The following IL17RE variants were observed in gnomAD, a reference collection of about 807,000 sequenced individuals.
IL17RE encodes the protein interleukin 17 receptor E, also known as interleukin-17 receptor E.
IL17RE carries 47 observed loss-of-function variants against 70.7 expected under a neutral mutation model. The observed-to-expected ratio is 0.67, with a 90% CI of 0.53 to 0.85. The LOEUF is 0.85. Ranked by LOEUF, IL17RE falls within the 40% of genes least tolerant of loss-of-function variation. The pLI is 0.00. For missense variants in IL17RE, 850 were observed against 893.9 expected, an observed-to-expected ratio of 0.95 and a Z score of 0.63; for synonymous variants, 372 against 381.2, an observed-to-expected ratio of 0.98 and a Z score of 0.28.
chr3:9,902,823 T>G (rs1575473935), upstream of IL17RE: 1 of 1,590,638 alleles, frequency 6.3e-7, no homozygotes, highest in Non-Finnish European at 8.5e-7. Context: ...CAGGGCAGGC[T>G]GGGGCGAGGG....
intron 15 of IL17RE, 75 bp downstream of exon 15, chr3:9,914,852 G>C: frequency 8.1e-7 from 1 of 1,231,570 alleles, no homozygotes; most frequent in Non-Finnish European, 1.2e-6. Context: ...ACCCTCCCCT[G>C]TCTGAGCTCT....
chr3:9,903,307 T>G, intron 1 of IL17RE, 90 bp from the exon 2 acceptor site: 1 of 1,474,130 alleles, frequency 6.8e-7, no homozygotes, highest in Non-Finnish European at 9.5e-7. Context: ...TTTGCTGATT[T>G]GAAGCAAAGA....
At chr3:9,914,270 G>C in intron 13 of IL17RE, 2 of 745,762 alleles carry the variant, frequency 2.7e-6, no homozygotes, top group South Asian at 3.9e-5. Flanking sequence ...GGAGCTCAGT[G>C]CCATCTGATT....
At position 9,915,479 on chromosome 3, in the gene IL17RE, G is replaced by A; in HGVS notation, c.1676G>A (p.Trp559Ter). ...AREQGTVLLL[W>*]SGADLRPVSG... The stretch of plus-strand genomic sequence containing the variant: ...GAGCAGGGCACTGTGCTGCTGCTGT[G>A]GAGCGGCGCCGACCTTCGCCCGGTC... The change falls in exon 16 of 16, where the codon TGG (tryptophan) becomes TAG (stop). Residue 559 changes from tryptophan to a stop codon, truncating the protein, a stop_gained. Coordinates refer to ENST00000383814, the MANE Select transcript of IL17RE (RefSeq NM_153480.2). LOFTEE classifies it low-confidence loss of function (END_TRUNC). This position sits in a 1 kb window ranked among gnomAD's most constrained non-coding sequence, Gnocchi z 4.9. The A allele has an allele frequency of 7.5e-7, 1 of 1,327,590 alleles. No homozygotes were observed. 82.2% of individuals were successfully genotyped at this position (1,327,590 alleles called of 1,614,324 possible). A position where few individuals can be genotyped will look rare whatever the true frequency, so the allele number is the denominator to read the frequency against.
intron 3 of IL17RE, among the ~76,000 whole-genome samples, chr3:9,906,084 C>A (rs1048819856): frequency 6.6e-6 from 1 of 151,754 alleles, no homozygotes; most frequent in Non-Finnish European, 1.5e-5. Flanking sequence ...ACCCCGTCTC[C>A]ACTAAAGATA....
chr3:9,915,124 A>G lies in IL17RE; in HGVS notation c.1448-127A>G. On this transcript the variant is annotated intron_variant, in intron 15 of 15. Transcript: ENST00000383814. This position sits in a 1 kb window ranked among gnomAD's most constrained non-coding sequence, Gnocchi z 4.9. ...AGGGCTGTTTTCGGTACCAACCCCC[A>G]GAGCAAATAAGGGGCGGGGGCGGGG... The G allele has an allele frequency of 7.9e-7, 1 of 1,262,008 alleles. No homozygotes were observed. Among genetic ancestry groups the G allele is most frequent in the South Asian group, 2.2e-5 (1 of 44,798 alleles). 78.2% of individuals were successfully genotyped at this position (1,262,008 alleles called of 1,614,324 possible).
At position 9,915,066 on chromosome 3, in the gene IL17RE, T is replaced by G. The variant is rs2082982786; in HGVS notation, c.1448-185T>G. ...GACCCTCTCTTCAGAAGGGGTGCCT[T>G]TATCTAATTAGCCCATAAGCACCCT... On this transcript the variant is annotated intron_variant, in intron 15 of 15. Transcript: ENST00000383814. This position sits in a 1 kb window ranked among gnomAD's most constrained non-coding sequence, Gnocchi z 4.9. Among the ~76,000 whole-genome samples, 1 of 151,834 alleles carries G rather than the reference T, an allele frequency of 6.6e-6. No homozygotes were observed. Among genetic ancestry groups the G allele is most frequent in the Non-Finnish European group, 1.5e-5 (1 of 67,944 alleles).
intron 13 of IL17RE, 163 bp from the exon 14 acceptor site, chr3:9,914,385 G>A: frequency 6.7e-7 from 1 of 1,494,862 alleles, no homozygotes; most frequent in Non-Finnish European, 8.8e-7. Flanking sequence ...TGCCACCATT[G>A]ACCTGTTCTG....
Position 9,909,275 on chromosome 3 carries a change from C to T in IL17RE, c.794C>T (p.Pro265Leu), listed in dbSNP as rs458698. Reference sequence around the variant, plus strand: ...AAAAAATGTCCCTTCCAGAGCTGGCCAGAAGCCTGTGAGTGCTGTTGACAC... The same window carrying T: ...AAAAAATGTCCCTTCCAGAGCTGGCTAGAAGCCTGTGAGTGCTGTTGACAC... ...RRKKCPFQSW[P>L]EAYGSDFWKS... The change falls in exon 8 of 16, where the codon CCA becomes CTA. Residue 265 changes from proline (P) to leucine (L), a missense_variant. Transcript: ENST00000383814. 1 of 1,613,914 alleles carries T rather than the reference C, an allele frequency of 6.2e-7. No homozygotes were observed. The highest frequency in any genetic ancestry group is 8.5e-7 in the Non-Finnish European group (1 of 1,179,888).
intron 3 of IL17RE, 76 bp from the exon 4 acceptor site, chr3:9,906,286 TTA>T: frequency 1.6e-6 from 1 of 624,552 alleles, no homozygotes. Flanking sequence ...ATAAAATTAC[TTA>T]CTAACACTGG....
In IL17RE at chr3:9,915,960, C is replaced by T. The variant is rs907961001; in HGVS notation, c.*153C>T. On this transcript the variant is annotated 3_prime_UTR_variant, in exon 16 of 16. Transcript: ENST00000383814. This position sits in a 1 kb window ranked among gnomAD's most constrained non-coding sequence, Gnocchi z 4.9. ...TTCCCTGCCTCACAGGCCGGAAGTC[C>T]CAGCCCAGTCCCCGCGCGCGTCCCT... 7.1e-6 allele frequency: 9 copies of T among 1,273,334 alleles called. No individual in the cohort carries two copies. Among genetic ancestry groups the T allele is most frequent in the African/African-American group, 1.6e-5 (1 of 63,718 alleles). 78.9% of individuals were successfully genotyped at this position (1,273,334 alleles called of 1,614,324 possible).
At chr3:9,903,477 G>T in intron 2 of IL17RE, 65 bp downstream of exon 2, 2 of 1,560,988 alleles carry the variant, frequency 1.3e-6, no homozygotes, top group Middle Eastern at 1.7e-4. Context: ...TGCCTAGCAA[G>T]CCCTCCATTC....
chr3:9,915,675 G>A lies in IL17RE; in HGVS notation c.1872G>A (p.Arg624=). The A allele has an allele frequency of 7.2e-7, 1 of 1,389,572 alleles. No individual in the cohort carries two copies. Among genetic ancestry groups the A allele is most frequent in the South Asian group, 1.6e-5 (1 of 62,044 alleles). The allele number at this position is 1,389,572 out of a possible 1,614,324, so 86.1% of individuals were successfully genotyped here. ...TGCGCGACCTGCCGCGTCTGCTGCG[G>A]GCGCTGGACGCGCGGCCTTTCGCAG... ...RLLRDLPRLL[R]ALDARPFAEA... Residue 624 remains arginine (R), a synonymous_variant, in exon 16 of 16, where the codon CGG becomes CGA. Coordinates refer to ENST00000383814, the MANE Select transcript of IL17RE (RefSeq NM_153480.2). This position sits in a 1 kb window ranked among gnomAD's most constrained non-coding sequence, Gnocchi z 4.9.
chr3:9,915,145 C>T lies in IL17RE; in HGVS notation c.1448-106C>T, dbSNP rs1159523751. ...CCCCAGAGCAAATAAGGGGCGGGGG[C>T]GGGGGCGGAGAGGCGAGCACCCTAC... On this transcript the variant is annotated intron_variant, in intron 15 of 15. Transcript: ENST00000383814. This position sits in a 1 kb window ranked among gnomAD's most constrained non-coding sequence, Gnocchi z 4.9. 2.4e-6 allele frequency: 3 copies of T among 1,238,032 alleles called. No homozygotes were observed. The highest frequency in any genetic ancestry group is 6.0e-5 in the South Asian group (2 of 33,562). 76.7% of individuals were successfully genotyped at this position (1,238,032 alleles called of 1,614,324 possible).
Position 9,914,000 on chromosome 3 carries a change from C to T in IL17RE, c.1272C>T (p.Phe424=), listed in dbSNP as rs1245182216. The change falls in exon 13 of 16, where the codon TTC becomes TTT. Residue 424 remains phenylalanine (F), a synonymous_variant. Transcript: ENST00000383814. ...SPVSLDLIIP[F]LRPGCCVLVW... is the part of the protein sequence containing the mutation. ...TGTCACTAGACCTCATCATTCCCTTCCTGAGGCCAGGGTGCTGTGTCCTGG... is the reference window on the plus strand; with the variant it reads ...TGTCACTAGACCTCATCATTCCCTTTCTGAGGCCAGGGTGCTGTGTCCTGG... The T allele has an allele frequency of 3.1e-6, 5 of 1,614,078 alleles. No individual in the cohort carries two copies. The Admixed American group carries it at 6.7e-5, about 22-fold the overall frequency.
At chr3:9,903,979 T>C in intron 2 of IL17RE, 53 bp from the exon 3 acceptor site, 4 of 1,603,146 alleles carry the variant, frequency 2.5e-6, no homozygotes, top group Non-Finnish European at 3.4e-6. Flanking sequence ...TTGTTGGAGG[T>C]AGGAGGGACC....
chr3:9,911,995 G>A (rs1011564251), intron 12 of IL17RE, among the ~76,000 whole-genome samples: 2 of 152,032 alleles, frequency 1.3e-5, no homozygotes, highest in African/African-American at 4.8e-5. Flanking sequence ...CCCAATCCGT[G>A]AGCCGCAGAC....
intron 7 of IL17RE, 131 bp downstream of exon 7, chr3:9,908,438 C>A: frequency 5.3e-6 from 4 of 750,468 alleles, no homozygotes; most frequent in South Asian, 3.3e-5. Context: ...CTTAGGAAGA[C>A]CAGCGCCAGC....
At chr3:9,909,451 AG>A (rs1407425397) in intron 8 of IL17RE, 168 bp downstream of exon 8, 8 of 642,272 alleles carry the variant, frequency 1.2e-5, no homozygotes, top group Non-Finnish European at 2.3e-5. Context: ...TGGGGGGAAA[AG>A]GGCTGCCAAG....
Sources: gnomAD v4.1 joint callset for allele counts (sites outside exome capture counted in the v4.1 genomes callset) on GRCh38, gnomAD v4.1.1 for gene constraint, Gnocchi (gnomAD v3.1) non-coding constraint, MANE v1.5 for transcripts, NCBI Gene and HGNC (gene_info 2026-07-23, HGNC 2026-07-21) for gene names.